The following CCND3 variants were observed in gnomAD, a reference collection of about 807,000 sequenced individuals.
CCND3 encodes G1/S-specific cyclin-D3.
In CCND3, 9 loss-of-function variants were observed where a neutral mutation model predicts 28.7. The observed-to-expected ratio is 0.31, with a 90% CI of 0.19 to 0.55. CCND3 has a LOEUF of 0.55. CCND3 is among the 20% of genes least tolerant of loss of function. The probability of loss-of-function intolerance (pLI) is 0.93; values close to 1 mark genes in which losing one functional copy is unlikely to be tolerated. For missense variants in CCND3, 315 were observed against 385.8 expected, an observed-to-expected ratio of 0.82 and a Z score of 1.54; for synonymous variants, 164 against 163.9, an observed-to-expected ratio of 1.00 and a Z score of 0.00.
At chr6:41,992,463 G>T (rs1336727904) in intron 1 of CCND3, among the ~76,000 whole-genome samples, 3 of 120,448 alleles carry the variant, frequency 2.5e-5, no homozygotes, top group Admixed American at 9.3e-5. Flanking sequence ...CACCCAGCCG[G>T]TTTTTTTTTT....
intron 1 of CCND3, among the ~76,000 whole-genome samples, chr6:42,021,230 C>T (rs753982100): frequency 6.6e-6 from 1 of 152,186 alleles, no homozygotes; most frequent in Admixed American, 6.5e-5. Context: ...TAAACTTTAT[C>T]ATTGGTATGT....
chr6:42,048,425 C>A lies in CCND3; in HGVS notation c.-46+76G>T. On this transcript the variant is annotated intron_variant, in intron 1 of 4. Transcript: ENST00000372988. This position sits in a 1 kb window ranked among gnomAD's most constrained non-coding sequence, Gnocchi z 4.7. Reference sequence around the variant, plus strand: ...GCGGCGACCCCATTGACCCACCCAGCACCGATCCCCAACGCATGGTCTCCA... The same window carrying A: ...GCGGCGACCCCATTGACCCACCCAGAACCGATCCCCAACGCATGGTCTCCA... 1.2e-5 allele frequency: 5 copies of A among 409,706 alleles called. No individual in the cohort carries two copies. The highest frequency in any genetic ancestry group is 8.8e-5 in the South Asian group (5 of 57,044). 25.4% of individuals were successfully genotyped at this position (409,706 alleles called of 1,614,324 possible). A position where few individuals can be genotyped will look rare whatever the true frequency, so the allele number is the denominator to read the frequency against.
At chr6:41,975,493 A>T (rs972528110) in intron 1 of CCND3, among the ~76,000 whole-genome samples, 4 of 151,886 alleles carry the variant, frequency 2.6e-5, no homozygotes, top group African/African-American at 9.7e-5. Context: ...ACAGTGGCAC[A>T]CCCCCACGGC....
chr6:41,959,509 C>A (rs181242155), intron 1 of CCND3, among the ~76,000 whole-genome samples: 3 of 151,602 alleles, frequency 2.0e-5, no homozygotes, highest in East Asian at 3.9e-4. Flanking sequence ...ATGGTGAAAC[C>A]CCGTCTCTAC....
At chr6:41,974,991 A>G (rs1762135530) in intron 1 of CCND3, among the ~76,000 whole-genome samples, 1 of 151,736 alleles carries the variant, frequency 6.6e-6, no homozygotes, top group Non-Finnish European at 1.5e-5. Flanking sequence ...ACAGGGTTTC[A>G]CTGTGTTGGC....
chr6:42,049,237 A>G (rs1764652331), upstream of CCND3, among the ~76,000 whole-genome samples: 1 of 152,032 alleles, frequency 6.6e-6, no homozygotes, highest in African/African-American at 2.4e-5. Flanking sequence ...GGGTTTCACC[A>G]TGTTGGTCAG....
chr6:41,939,790 G>A lies in CCND3; in HGVS notation c.414+580C>T, dbSNP rs1459666420. On this transcript the variant is annotated intron_variant, in intron 2 of 4. Coordinates refer to ENST00000372991, the MANE Select transcript of CCND3 (RefSeq NM_001760.5). This position sits in a 1 kb window ranked among gnomAD's most constrained non-coding sequence, Gnocchi z 4.2. ...CAGAATGAGGACGAGGAAGGATTAG[G>A]AAGAAGCTGTTTCTTCCGGGATATA... Among the ~76,000 whole-genome samples, 1 of 152,186 alleles carries A rather than the reference G, an allele frequency of 6.6e-6. No individual in the cohort carries two copies.
intron 1 of CCND3, among the ~76,000 whole-genome samples, chr6:42,043,814 C>A (rs930412929): frequency 2.0e-5 from 3 of 152,196 alleles, no homozygotes; most frequent in Non-Finnish European, 2.9e-5. Context: ...GGGCCAACGA[C>A]GGAGGTACCA....
chr6:42,013,798 G>A (rs919272176), intron 1 of CCND3, among the ~76,000 whole-genome samples: 4 of 152,214 alleles, frequency 2.6e-5, no homozygotes, highest in Non-Finnish European at 5.9e-5. Context: ...TCAGGGCCGG[G>A]CGTGGTGGCT....
chr6:42,027,332 C>T (rs555911961), intron 1 of CCND3, among the ~76,000 whole-genome samples: 197 of 151,740 alleles, frequency 1.3e-3, no homozygotes, highest in African/African-American at 4.2e-3. Flanking sequence ...CCCAGCTACT[C>T]GGTAGGCTGA....
chr6:42,034,602 C>T (rs538855396), intron 1 of CCND3, among the ~76,000 whole-genome samples: 2 of 151,458 alleles, frequency 1.3e-5, no homozygotes, highest in Admixed American at 6.6e-5. Flanking sequence ...CTCAGCCTCC[C>T]GAGTAGCTGG....
chr6:41,989,610 A>T (rs536040495), intron 1 of CCND3, among the ~76,000 whole-genome samples: 1 of 152,278 alleles, frequency 6.6e-6, no homozygotes, highest in South Asian at 2.1e-4. Flanking sequence ...AAAATTGCAA[A>T]TTAAAACAAT....
intron 1 of CCND3, among the ~76,000 whole-genome samples, chr6:41,953,527 T>C (rs1776366882): frequency 6.6e-6 from 1 of 152,058 alleles, no homozygotes; most frequent in Non-Finnish European, 1.5e-5. Flanking sequence ...GCCCAAGGAA[T>C]CTCATGGAGA....
intron 1 of CCND3, among the ~76,000 whole-genome samples, chr6:42,036,574 T>C (rs1332344280): frequency 1.3e-5 from 2 of 150,964 alleles, no homozygotes; most frequent in African/African-American, 4.9e-5. Context: ...TGGCTAAGTT[T>C]TGGGTCTTTT....
chr6:41,956,811 G>A (rs907358325), intron 1 of CCND3, among the ~76,000 whole-genome samples: 8 of 151,736 alleles, frequency 5.3e-5, no homozygotes, highest in Non-Finnish European at 1.0e-4. Context: ...GGCGGATCAC[G>A]AGGTGGGGAG....
chr6:42,022,162 C>T (rs1350850883), intron 1 of CCND3, among the ~76,000 whole-genome samples: 1 of 152,210 alleles, frequency 6.6e-6, no homozygotes, highest in African/African-American at 2.4e-5. Context: ...CATGATTCTG[C>T]TGGGAGAGAT....
chr6:42,028,505 T>C (rs1051049074), intron 1 of CCND3, among the ~76,000 whole-genome samples: 16 of 152,238 alleles, frequency 1.1e-4, no homozygotes, highest in African/African-American at 3.6e-4. Context: ...GTTGCCACAC[T>C]GTCGGCTGCT....
chr6:42,037,346 T>C (rs886091642), intron 1 of CCND3, among the ~76,000 whole-genome samples: 2 of 152,036 alleles, frequency 1.3e-5, no homozygotes, highest in Non-Finnish European at 2.9e-5. Context: ...CAAGCGATTC[T>C]CCTGCCTCAG....
rs906918673 is a variant in CCND3, at chr6:41,939,027, T to A, written c.414+1343A>T. On this transcript the variant is annotated intron_variant, in intron 2 of 4. Coordinates refer to ENST00000372991, the MANE Select transcript of CCND3 (RefSeq NM_001760.5). This position sits in a 1 kb window ranked among gnomAD's most constrained non-coding sequence, Gnocchi z 4.2. ...CCTCCATCTTTTCACAAAAAGGAAG[T>A]TCCCCTTCTACCTTCCAGCCCCAAC... Among the ~76,000 whole-genome samples, 2 of 152,030 alleles carry A rather than the reference T, an allele frequency of 1.3e-5. No individual in the cohort carries two copies. Among genetic ancestry groups the A allele is most frequent in the Non-Finnish European group, 2.9e-5 (2 of 67,998 alleles).
Sources: gnomAD v4.1 joint callset for allele counts (sites outside exome capture counted in the v4.1 genomes callset) on GRCh38, gnomAD v4.1.1 for gene constraint, Gnocchi (gnomAD v3.1) non-coding constraint, MANE v1.5 for transcripts, NCBI Gene and HGNC (gene_info 2026-07-23, HGNC 2026-07-21) for gene names.